RTL4: variants seen among roughly 807,000 people sequenced by gnomAD.
The protein encoded by RTL4 is retrotransposon Gag-like protein 4.
RTL4 carries 4 observed loss-of-function variants against 5.3 expected under a neutral mutation model. That is an observed-to-expected ratio of 0.75 (90% CI 0.37 to 1.72). The LOEUF (loss-of-function observed/expected upper bound fraction) is 1.72, where lower values mean the gene tolerates loss of function less well. RTL4 is among the 40% of genes most tolerant of loss of function. RTL4 has a pLI of 0.04. For synonymous variants in RTL4, 98 were observed against 87.3 expected (o/e 1.12, Z -0.68); for missense variants, 260 against 227.1 (o/e 1.14, Z -0.93).
chrX:112,384,346 A>C, the RTL4 span, among the ~76,000 whole-genome samples: 184 of 112,085 alleles, frequency 1.6e-3, no homozygotes, highest in African/African-American at 5.7e-3. Flanking sequence ...TTTGGGTTTT[A>C]CATTTAAGTG....
the RTL4 span, among the ~76,000 whole-genome samples, chrX:112,402,281 A>G: frequency 9.0e-6 from 1 of 111,296 alleles, no homozygotes; most frequent in Non-Finnish European, 1.9e-5. Flanking sequence ...TGGAGATGCA[A>G]ATCACACGTT....
the RTL4 span, among the ~76,000 whole-genome samples, chrX:112,448,381 G>A: frequency 2.7e-5 from 3 of 111,694 alleles, no homozygotes; most frequent in Admixed American, 1.9e-4. Flanking sequence ...GTCTACTCCA[G>A]GAACAGGAAC....
chrX:112,201,530 T>C, the RTL4 span, among the ~76,000 whole-genome samples: 33,708 of 109,162 alleles, frequency 0.31, 5,555 homozygotes, highest in African/African-American at 0.63. Context: ...GCACTTGAAA[T>C]ATGTCAAGGA....
chrX:112,244,183 T>G, the RTL4 span, among the ~76,000 whole-genome samples: 42 of 111,837 alleles, frequency 3.8e-4, no homozygotes, highest in Middle Eastern at 9.2e-3. Context: ...TTGATTTGGG[T>G]TGGAGAGTTC....
the RTL4 span, among the ~76,000 whole-genome samples, chrX:112,107,487 T>C: frequency 1.5e-3 from 173 of 112,323 alleles, 1 homozygote; most frequent in African/African-American, 5.3e-3. Flanking sequence ...GCATTTCTTA[T>C]AAAACAAATA....
At chrX:112,387,549 G>T in the RTL4 span, among the ~76,000 whole-genome samples, 1 of 111,081 alleles carries the variant, frequency 9.0e-6, no homozygotes, top group South Asian at 3.8e-4. Flanking sequence ...GGGAAAGGGA[G>T]AGAGCACCAG....
At chrX:112,246,465 A>G in the RTL4 span, among the ~76,000 whole-genome samples, 1 of 111,945 alleles carries the variant, frequency 8.9e-6, no homozygotes, top group African/African-American at 3.2e-5. Flanking sequence ...CCTAGCAGTT[A>G]GATCTCAGAA....
the RTL4 span, among the ~76,000 whole-genome samples, chrX:112,222,417 C>T: frequency 9.0e-6 from 1 of 111,439 alleles, no homozygotes; most frequent in Non-Finnish European, 1.9e-5. Context: ...ATATCTTCTG[C>T]AATAGTAAAG....
the RTL4 span, among the ~76,000 whole-genome samples, chrX:112,216,623 T>C: frequency 4.5e-5 from 5 of 111,928 alleles, no homozygotes; most frequent in African/African-American, 1.6e-4. Context: ...TCTTCTACTT[T>C]CTTTGCCTCC....
At chrX:112,342,567 A>C in the RTL4 span, among the ~76,000 whole-genome samples, 2 of 104,330 alleles carry the variant, frequency 1.9e-5, no homozygotes, top group Non-Finnish European at 4.0e-5. Context: ...TCCTCCAGGA[A>C]GCTCTCCATC....
At chrX:112,115,308 A>G in the RTL4 span, among the ~76,000 whole-genome samples, 1 of 111,401 alleles carries the variant, frequency 9.0e-6, no homozygotes, top group Admixed American at 9.5e-5. Flanking sequence ...CTGTTAGACC[A>G]CAAACAGGAC....
the RTL4 span, among the ~76,000 whole-genome samples, chrX:112,354,983 C>T: frequency 9.0e-6 from 1 of 111,200 alleles, no homozygotes; most frequent in African/African-American, 3.3e-5. Flanking sequence ...TTACAATGTG[C>T]CAGGAAATGT....
chrX:112,390,106 A>AT, the RTL4 span, among the ~76,000 whole-genome samples: 1 of 17,389 alleles, frequency 5.8e-5, no homozygotes, highest in African/African-American at 2.2e-4. Context: ...ATTTATATAT[A>AT]ATATATATAT....
At chrX:112,372,914 G>A in the RTL4 span, among the ~76,000 whole-genome samples, 575 of 111,634 alleles carry the variant, frequency 5.2e-3, 5 homozygotes, top group African/African-American at 0.017. Context: ...AAAGTTCTAT[G>A]TTGTGTCTTT....
the RTL4 span, among the ~76,000 whole-genome samples, chrX:112,140,283 A>G: frequency 9.0e-6 from 1 of 111,515 alleles, no homozygotes; most frequent in Non-Finnish European, 1.9e-5. Flanking sequence ...CACTTCTCCA[A>G]GTATCCCTGG....
At chrX:112,457,077 T>C (rs1387230822) in exon 1 of RTL4, 4 of 123,377 alleles carry the variant, frequency 3.2e-5, no homozygotes, top group Non-Finnish European at 7.5e-5. Flanking sequence ...TGGAGAAATA[T>C]CAGTAATCAC....
At chrX:112,372,988 A>G in the RTL4 span, among the ~76,000 whole-genome samples, 1 of 111,265 alleles carries the variant, frequency 9.0e-6, no homozygotes, top group Admixed American at 9.6e-5. Context: ...TAACTCTCTG[A>G]CAGGCTCAAG....
chrX:112,161,720 G>A, the RTL4 span, among the ~76,000 whole-genome samples: 1 of 110,647 alleles, frequency 9.0e-6, no homozygotes, highest in Admixed American at 9.6e-5. Flanking sequence ...CATGAACTAT[G>A]CTAAGAATAT....
At chrX:112,269,035 T>A in the RTL4 span, among the ~76,000 whole-genome samples, 1 of 112,100 alleles carries the variant, frequency 8.9e-6, no homozygotes, top group Non-Finnish European at 1.9e-5. Context: ...ACCCCTAGGA[T>A]CTATTGTCTC....
Sources: gnomAD v4.1 joint callset for allele counts (sites outside exome capture counted in the v4.1 genomes callset) on GRCh38, gnomAD v4.1.1 for gene constraint, MANE v1.5 for transcripts, NCBI Gene and HGNC (gene_info 2026-07-23, HGNC 2026-07-21) for gene names.